VPS13B: variants seen among roughly 807,000 people sequenced by gnomAD.
The protein encoded by VPS13B is vacuolar protein sorting 13 homolog B, also known as intermembrane lipid transfer protein VPS13B.
Under a neutral mutation model 426.4 loss-of-function variants are expected in VPS13B, and 285 were observed. The ratio of observed to expected loss-of-function variants is 0.67; its 90% confidence interval spans 0.61 to 0.74. The LOEUF is 0.74. VPS13B is among the 30% of genes least tolerant of loss of function. The pLI is 0.00. For missense variants in VPS13B, 4,537 were observed against 4,782.6 expected (o/e 0.95, Z 1.51); for synonymous variants, 1,676 against 1,676.4 (o/e 1.00, Z 0.01).
At chr8:99,578,737 A>G (rs1391994647) in intron 33 of VPS13B, among the ~76,000 whole-genome samples, 1 of 152,194 alleles carries the variant, frequency 6.6e-6, no homozygotes, top group Non-Finnish European at 1.5e-5. Flanking sequence ...GAGTTGGATA[A>G]AAGTAAATTA....
chr8:99,283,516 G>A (rs544952201), intron 19 of VPS13B, among the ~76,000 whole-genome samples: 11 of 152,260 alleles, frequency 7.2e-5, no homozygotes, highest in East Asian at 1.9e-4. Context: ...TGAACAGAGC[G>A]TCTATTTTTG....
At chr8:99,800,987 G>C (rs1371942293) in intron 43 of VPS13B, among the ~76,000 whole-genome samples, 1 of 152,144 alleles carries the variant, frequency 6.6e-6, no homozygotes, top group African/African-American at 2.4e-5. Context: ...ACAATGCACT[G>C]TTTTAAAGCT....
intron 34 of VPS13B, among the ~76,000 whole-genome samples, chr8:99,651,310 T>C (rs1829805257): frequency 6.6e-6 from 1 of 152,172 alleles, no homozygotes; most frequent in African/African-American, 2.4e-5. Context: ...TGGTCCTAAA[T>C]TATGCTGACT....
At chr8:99,271,814 A>T (rs1011078186) in intron 17 of VPS13B, among the ~76,000 whole-genome samples, 1 of 152,250 alleles carries the variant, frequency 6.6e-6, no homozygotes, top group Non-Finnish European at 1.5e-5. Context: ...TCATGAGAAC[A>T]GCATGAGGGA....
intron 22 of VPS13B, among the ~76,000 whole-genome samples, chr8:99,434,833 A>G (rs1407628657): frequency 3.9e-5 from 6 of 152,192 alleles, no homozygotes; most frequent in Non-Finnish European, 8.8e-5. Context: ...CTCAGCTGTC[A>G]TGATTCCTTG....
At chr8:99,565,277 C>T (rs901215921) in intron 31 of VPS13B, among the ~76,000 whole-genome samples, 8 of 151,666 alleles carry the variant, frequency 5.3e-5, no homozygotes, top group African/African-American at 1.7e-4. Flanking sequence ...ATCTTTTAAA[C>T]TTCATTGTCA....
intron 19 of VPS13B, among the ~76,000 whole-genome samples, chr8:99,326,317 ATATTC>A (rs1279453520): frequency 6.6e-6 from 1 of 152,036 alleles, no homozygotes; most frequent in Admixed American, 6.6e-5. Flanking sequence ...TTTCCCAACT[ATATTC>A]TAAGCTTAGG....
At chr8:99,871,974 T>G (rs750164450) in intron 61 of VPS13B, among the ~76,000 whole-genome samples, 1 of 152,158 alleles carries the variant, frequency 6.6e-6, no homozygotes, top group African/African-American at 2.4e-5. Flanking sequence ...ACCAAGCCAA[T>G]TGAACAAGGC....
intron 51 of VPS13B, among the ~76,000 whole-genome samples, chr8:99,829,671 A>T (rs2130848944): frequency 6.6e-6 from 1 of 152,284 alleles, no homozygotes; most frequent in Middle Eastern, 3.4e-3. Flanking sequence ...GGAGGAGAAG[A>T]GGCATTCTGG....
chr8:99,479,391 A>G (rs1439838349), intron 24 of VPS13B, among the ~76,000 whole-genome samples: 1 of 152,224 alleles, frequency 6.6e-6, no homozygotes, highest in Admixed American at 6.5e-5. Flanking sequence ...ATATTCAGAC[A>G]CCTTCATACA....
At chr8:99,312,530 A>G (rs1008890758) in intron 19 of VPS13B, among the ~76,000 whole-genome samples, 10 of 152,252 alleles carry the variant, frequency 6.6e-5, no homozygotes, top group Non-Finnish European at 1.5e-4. Context: ...ATTTCTGCCA[A>G]GAGATCAGCT....
chr8:99,325,929 GAT>G (rs1478942348), intron 19 of VPS13B, among the ~76,000 whole-genome samples: 1 of 151,884 alleles, frequency 6.6e-6, no homozygotes, highest in Non-Finnish European at 1.5e-5. Flanking sequence ...TTTTTGCCCT[GAT>G]TAAATTATTT....
intron 25 of VPS13B, among the ~76,000 whole-genome samples, chr8:99,493,707 G>T (rs1305031616): frequency 6.6e-6 from 1 of 151,148 alleles, no homozygotes. Flanking sequence ...ACTTGAACCT[G>T]GGAGGCGGAG....
chr8:99,119,252 T>A (rs1023429371), intron 7 of VPS13B: 14 of 152,212 alleles, frequency 9.2e-5, no homozygotes, highest in Admixed American at 5.2e-4. Flanking sequence ...TATTTATTAT[T>A]TATTTATTGA....
intron 51 of VPS13B, among the ~76,000 whole-genome samples, chr8:99,827,945 G>T (rs1200688445): frequency 6.6e-6 from 1 of 152,144 alleles, no homozygotes; most frequent in Non-Finnish European, 1.5e-5. Flanking sequence ...CTGAGAGACT[G>T]TTTGTTATGA....
intron 35 of VPS13B, among the ~76,000 whole-genome samples, chr8:99,679,914 GTTA>G (rs1402185080): frequency 6.6e-6 from 1 of 152,082 alleles, no homozygotes; most frequent in East Asian, 1.9e-4. Flanking sequence ...TTTTACCAGA[GTTA>G]TTATAATACA....
Position 99,051,301 on chromosome 8 carries a change from T to G in VPS13B, c.291+12735T>G, listed in dbSNP as rs187718331. Among the ~76,000 whole-genome samples, 435 of 152,258 alleles carry G rather than the reference T, an allele frequency of 2.9e-3. 2 individuals carry two copies. The highest frequency in any genetic ancestry group is 9.2e-3 in the African/African-American group (382 of 41,518). ...TTAAATAGGGAATCGTTTCCCCATTTCTGGTTTTTGTCAGGTCTGTCAAAG... is the reference window on the plus strand; with the variant it reads ...TTAAATAGGGAATCGTTTCCCCATTGCTGGTTTTTGTCAGGTCTGTCAAAG... On this transcript the variant is annotated intron_variant, in intron 3 of 61. Coordinates refer to ENST00000357162, the MANE Select transcript of VPS13B (RefSeq NM_152564.5).
intron 51 of VPS13B, among the ~76,000 whole-genome samples, chr8:99,824,557 A>T (rs1402937355): frequency 6.0e-5 from 9 of 148,908 alleles, no homozygotes; most frequent in African/African-American, 2.2e-4. Context: ...GAGAGGAGAG[A>T]TTTTTTTTTC....
intron 37 of VPS13B, among the ~76,000 whole-genome samples, chr8:99,719,605 T>C (rs1833057098): frequency 6.6e-6 from 1 of 152,204 alleles, no homozygotes; most frequent in South Asian, 2.1e-4. Context: ...ATTCAGTATT[T>C]ACAGAGAAAA....
Sources: allele counts gnomAD v4.1 joint callset (sites outside exome capture counted in the v4.1 genomes callset), GRCh38; gene constraint gnomAD v4.1.1; transcripts MANE v1.5; gene names NCBI Gene and HGNC (gene_info 2026-07-23, HGNC 2026-07-21).